PHACTR4: variants seen among roughly 807,000 people sequenced by gnomAD.
PHACTR4 encodes phosphatase and actin regulator 4.
In PHACTR4, 51 loss-of-function variants were observed where a neutral mutation model predicts 72.7. That is an observed-to-expected ratio of 0.70 (90% CI 0.56 to 0.89). PHACTR4 has a LOEUF of 0.89. PHACTR4 is among the 40% of genes least tolerant of loss of function. PHACTR4 has a pLI of 0.00. For missense variants in PHACTR4, 731 were observed against 861.8 expected (o/e 0.85, Z 1.90); for synonymous variants, 255 against 302.5 (o/e 0.84, Z 1.63).
chr1:28,496,443 A>G, intron 13 of PHACTR4, 91 bp from the exon 14 acceptor site: 1 of 1,392,680 alleles, frequency 7.2e-7, no homozygotes, highest in East Asian at 2.3e-5. Flanking sequence ...AGGCAGTGTT[A>G]ATTAGGTATA....
At chr1:28,420,871 G>A (rs1394952725) in intron 2 of PHACTR4, among the ~76,000 whole-genome samples, 4 of 152,130 alleles carry the variant, frequency 2.6e-5, no homozygotes, top group African/African-American at 9.7e-5. Flanking sequence ...AACATTAATA[G>A]TTGAAGAGAA....
At chr1:28,380,437 A>G (rs941606281) in intron 1 of PHACTR4, among the ~76,000 whole-genome samples, 2 of 152,080 alleles carry the variant, frequency 1.3e-5, no homozygotes, top group African/African-American at 4.8e-5. Flanking sequence ...TTTGTTGTGT[A>G]TATTATTTTG....
intron 1 of PHACTR4, among the ~76,000 whole-genome samples, chr1:28,389,074 C>A (rs1652797974): frequency 6.6e-6 from 1 of 152,034 alleles, no homozygotes; most frequent in Non-Finnish European, 1.5e-5. Context: ...AATGAAGAGA[C>A]AACGTATAGA....
At chr1:28,388,831 CAG>C (rs575361107) in intron 1 of PHACTR4, among the ~76,000 whole-genome samples, 62 of 152,034 alleles carry the variant, frequency 4.1e-4, no homozygotes, top group African/African-American at 1.4e-3. Context: ...GCCTGGGCGA[CAG>C]AGCCAGACTC....
intron 1 of PHACTR4, among the ~76,000 whole-genome samples, chr1:28,388,066 C>T (rs1212963773): frequency 1.3e-5 from 2 of 151,954 alleles, no homozygotes; most frequent in Admixed American, 6.6e-5. Flanking sequence ...CAACGTGGGC[C>T]TGTGGTCTCA....
intron 1 of PHACTR4, among the ~76,000 whole-genome samples, chr1:28,403,490 T>C (rs927170886): frequency 6.6e-6 from 1 of 152,184 alleles, no homozygotes; most frequent in African/African-American, 2.4e-5. Flanking sequence ...TAATGGAGGA[T>C]CCAGCCAGTG....
intron 6 of PHACTR4, among the ~76,000 whole-genome samples, chr1:28,467,949 A>G (rs1659309089): frequency 6.6e-6 from 1 of 152,186 alleles, no homozygotes; most frequent in African/African-American, 2.4e-5. Flanking sequence ...TTTTTTCAGG[A>G]AAAATGATAC....
At chr1:28,438,259 C>A in intron 2 of PHACTR4, 1 of 1,444,322 alleles carries the variant, frequency 6.9e-7, no homozygotes, top group Non-Finnish European at 9.1e-7. Context: ...ATGCCATTTC[C>A]TGATGTTTGG....
intron 9 of PHACTR4, among the ~76,000 whole-genome samples, chr1:28,487,487 C>T (rs1218063048): frequency 7.2e-6 from 1 of 138,992 alleles, no homozygotes; most frequent in Non-Finnish European, 1.5e-5. Flanking sequence ...GCACTCTAGC[C>T]TGGGTACAGA....
At chr1:28,466,269 C>T in intron 5 of PHACTR4, 113 bp from the exon 6 acceptor site, 2 of 1,223,660 alleles carry the variant, frequency 1.6e-6, no homozygotes, top group South Asian at 1.5e-5. Flanking sequence ...AACCTATAAG[C>T]TAATCTATAA....
rs142304186 is a variant in PHACTR4 at position 28,438,779 on chromosome 1, GA to G, written c.17-20305del. Among the ~76,000 whole-genome samples, 1,360 of 152,184 alleles carry G rather than the reference GA, an allele frequency of 8.9e-3. 19 individuals carry two copies. Among genetic ancestry groups the G allele is most frequent in the African/African-American group, 0.031 (1,300 of 41,518 alleles). Reference sequence around the variant, plus strand: ...TACAGAAACTTATTTAGAATTCAGAGATATTTTGTTAGTATTTTACAGAACT... The same window carrying G: ...TACAGAAACTTATTTAGAATTCAGAGTATTTTGTTAGTATTTTACAGAACT... On this transcript the variant is annotated intron_variant, in intron 2 of 13. Transcript: ENST00000373839.
intron 2 of PHACTR4, among the ~76,000 whole-genome samples, chr1:28,419,209 C>T (rs953309339): frequency 3.3e-5 from 5 of 150,964 alleles, no homozygotes; most frequent in Non-Finnish European, 7.4e-5. Context: ...GTCTCGAACT[C>T]CTGAAATTAA....
At chr1:28,428,679 G>A (rs1656027422) in intron 2 of PHACTR4, among the ~76,000 whole-genome samples, 1 of 152,180 alleles carries the variant, frequency 6.6e-6, no homozygotes, top group South Asian at 2.1e-4. Flanking sequence ...AAGCATGACA[G>A]AACCTCTCCA....
At chr1:28,400,549 C>A (rs747245195) in intron 1 of PHACTR4, among the ~76,000 whole-genome samples, 2 of 151,956 alleles carry the variant, frequency 1.3e-5, no homozygotes, top group Non-Finnish European at 2.9e-5. Context: ...CAGGCTCATG[C>A]CTTCAAAAGA....
At chr1:28,440,898 A>G (rs1328705918) in intron 2 of PHACTR4, among the ~76,000 whole-genome samples, 1 of 152,190 alleles carries the variant, frequency 6.6e-6, no homozygotes, top group Non-Finnish European at 1.5e-5. Context: ...TTTACTTGGA[A>G]TGATAAATAT....
In PHACTR4 at chr1:28,480,451, G is replaced by T; in HGVS notation, c.1607G>T (p.Ser536Ile). 1 of 1,613,818 alleles carries T rather than the reference G, an allele frequency of 6.2e-7. No homozygotes were observed. ...DEEDEDESYQ[S>I]ALANKVKRKD... ...ATTTTTTTCTTCCCCGTGTGCAAAG[G>T]TGCTCTCGCCAACAAAGTGAAGAGG... Residue 536 changes from serine to isoleucine, a missense_variant and splice_region_variant, in exon 9 of 14, where the codon AGT becomes ATT. Around this residue, in one of 2 missense-constraint regions of PHACTR4, gnomAD observed 621 missense variants for 676.6 expected, o/e 0.92. Transcript: ENST00000373839.
intron 2 of PHACTR4, among the ~76,000 whole-genome samples, chr1:28,448,950 GA>G (rs1657730313): frequency 6.6e-6 from 1 of 151,272 alleles, no homozygotes; most frequent in South Asian, 2.1e-4. Context: ...AGGAGTTCGA[GA>G]CCAGCCTGGG....
chr1:28,488,252 C>T (rs1178495049), intron 9 of PHACTR4, among the ~76,000 whole-genome samples: 1 of 151,042 alleles, frequency 6.6e-6, no homozygotes, highest in Non-Finnish European at 1.5e-5. Context: ...AATCCCAGCA[C>T]TTTGGGAGGC....
intron 9 of PHACTR4, among the ~76,000 whole-genome samples, chr1:28,484,573 A>T (rs1259582893): frequency 6.6e-6 from 1 of 151,128 alleles, no homozygotes; most frequent in Non-Finnish European, 1.5e-5. Flanking sequence ...ATATGTGTGT[A>T]TGTAATATAT....
Sources: gnomAD v4.1 joint callset for allele counts (sites outside exome capture counted in the v4.1 genomes callset) on GRCh38, gnomAD v4.1.1 for gene constraint, gnomAD v4.1.1 regional missense constraint, MANE v1.5 for transcripts, NCBI Gene and HGNC (gene_info 2026-07-23, HGNC 2026-07-21) for gene names.